The following ADCK1 variants were observed in gnomAD, a reference collection of about 807,000 sequenced individuals.
ADCK1 encodes aarF domain containing kinase 1.
Under a neutral mutation model 52.3 loss-of-function variants are expected in ADCK1, and 41 were observed. The observed-to-expected ratio is 0.78, with a 90% CI of 0.61 to 1.02. The LOEUF is 1.02. Among genes scored for constraint, ADCK1 ranks in the 50% least tolerant of loss-of-function variants. The pLI is 0.00. For missense variants in ADCK1, 658 were observed against 679.5 expected (o/e 0.97, Z 0.35); for synonymous variants, 250 against 274.6 (o/e 0.91, Z 0.89).
chr14:77,905,691 G>A (rs1218482174), intron 6 of ADCK1, among the ~76,000 whole-genome samples: 1 of 151,312 alleles, frequency 6.6e-6, no homozygotes, highest in East Asian at 2.0e-4. Flanking sequence ...GCTCACGCCT[G>A]TAATCCCAGC....
In ADCK1 at chr14:77,933,585, C is replaced by A; in HGVS notation, c.*194C>A. The A allele has an allele frequency of 3.3e-6, 2 of 603,456 alleles. No homozygotes were observed. Among genetic ancestry groups the A allele is most frequent in the Middle Eastern group, 4.5e-4 (1 of 2,216 alleles). The allele number at this position is 603,456 out of a possible 1,614,324, so 37.4% of individuals were successfully genotyped here. On this transcript the variant is annotated 3_prime_UTR_variant, in exon 11 of 11. Transcript: ENST00000238561. ...CTTGTCTCAGGGCCCACAAGCTGAA[C>A]TGTGGCATAGCTCTCTCTTCTTCTC... is the stretch of plus-strand genomic sequence containing the variant.
chr14:77,884,248 C>G (rs191554146), intron 4 of ADCK1, among the ~76,000 whole-genome samples: 1 of 152,162 alleles, frequency 6.6e-6, no homozygotes, highest in Admixed American at 6.5e-5. Flanking sequence ...TTTAGCTGCC[C>G]GAGAGATGAG....
chr14:77,825,023 C>T (rs1040917757), intron 3 of ADCK1, among the ~76,000 whole-genome samples: 14 of 152,316 alleles, frequency 9.2e-5, no homozygotes, highest in African/African-American at 3.4e-4. Context: ...GACCCTCCTA[C>T]CCTTGTTCCT....
chr14:77,862,266 C>T (rs943054198), intron 4 of ADCK1, among the ~76,000 whole-genome samples: 3 of 152,188 alleles, frequency 2.0e-5, no homozygotes, highest in Admixed American at 1.3e-4. Context: ...GAGGTGGGGT[C>T]GTTTCTGCCT....
At position 77,925,757 on chromosome 14, in the gene ADCK1, A is replaced by T. The variant is rs767640483; in HGVS notation, c.1009-7A>T. On this transcript the variant is annotated splice_polypyrimidine_tract_variant and splice_region_variant and intron_variant, in intron 8 of 10. Coordinates refer to ENST00000238561, the MANE Select transcript of ADCK1 (RefSeq NM_020421.4). ...CTTAGGTCCCACCGCTGCCGCCTCCACCCTAGATGCTCACGGAAGAATTCC... is the reference window on the plus strand; with the variant it reads ...CTTAGGTCCCACCGCTGCCGCCTCCTCCCTAGATGCTCACGGAAGAATTCC... The T allele has an allele frequency of 1.7e-5, 27 of 1,613,896 alleles. No individual in the cohort carries two copies. In the South Asian group the frequency reaches 3.0e-4, roughly 18 times the overall value.
At chr14:77,886,925 CACACACACACACACACGCACA>C (rs1252742717) in intron 4 of ADCK1, among the ~76,000 whole-genome samples, 145 bp from the exon 5 acceptor site, 1 of 56,190 alleles carries the variant, frequency 1.8e-5, no homozygotes, top group African/African-American at 4.6e-5. Flanking sequence ...CACACACACA[CACACACACACACACACGCACA>C]ACACACACAC....
At chr14:77,896,532 T>G (rs888925747) in intron 5 of ADCK1, among the ~76,000 whole-genome samples, 5 of 152,220 alleles carry the variant, frequency 3.3e-5, no homozygotes, top group African/African-American at 1.2e-4. Context: ...GGAATTCAGG[T>G]GACTTAGATG....
intron 1 of ADCK1, among the ~76,000 whole-genome samples, chr14:77,808,761 A>C (rs1228447833): frequency 1.3e-5 from 2 of 152,136 alleles, no homozygotes; most frequent in African/African-American, 4.8e-5. Flanking sequence ...TTTTTAGTAG[A>C]GACGGAGTTT....
intron 1 of ADCK1, among the ~76,000 whole-genome samples, chr14:77,800,764 G>C (rs562106345): frequency 6.6e-6 from 1 of 152,242 alleles, no homozygotes; most frequent in Non-Finnish European, 1.5e-5. Flanking sequence ...AAGACACCTA[G>C]AACAGCCCTC....
intron 3 of ADCK1, among the ~76,000 whole-genome samples, chr14:77,842,813 G>C (rs2082101580): frequency 6.6e-6 from 1 of 151,842 alleles, no homozygotes; most frequent in Admixed American, 6.6e-5. Flanking sequence ...GCCTCCCAAA[G>C]TGCTGGGTTT....
At chr14:77,887,375 A>G (rs1175848459) in intron 5 of ADCK1, 126 bp downstream of exon 5, 2 of 1,113,544 alleles carry the variant, frequency 1.8e-6, no homozygotes, top group Admixed American at 3.5e-5. Flanking sequence ...GAGGGAGAGG[A>G]GAGCTGAGAT....
At chr14:77,883,167 G>A (rs76278008) in intron 4 of ADCK1, among the ~76,000 whole-genome samples, 5,024 of 152,172 alleles carry the variant, frequency 0.033, 151 homozygotes, top group South Asian at 0.12. Context: ...ATATTAAAAT[G>A]CAGTTGTTTT....
At chr14:77,852,275 G>A (rs2082299350) in intron 3 of ADCK1, among the ~76,000 whole-genome samples, 1 of 152,158 alleles carries the variant, frequency 6.6e-6, no homozygotes, top group South Asian at 2.1e-4. Flanking sequence ...GGGATTACAG[G>A]CATGAGCCAC....
chr14:77,879,627 A>T (rs1429797305), intron 4 of ADCK1, among the ~76,000 whole-genome samples: 3 of 152,180 alleles, frequency 2.0e-5, no homozygotes, highest in Admixed American at 6.5e-5. Flanking sequence ...AAGCTGGTGT[A>T]GTGACTTATG....
At chr14:77,924,351 T>A in intron 7 of ADCK1, 106 bp from the exon 8 acceptor site, 1 of 1,456,270 alleles carries the variant, frequency 6.9e-7, no homozygotes, top group Non-Finnish European at 9.2e-7. Flanking sequence ...GCCCACCGAT[T>A]TTCTCTGGCC....
chr14:77,838,542 A>T (rs1250749395), intron 3 of ADCK1, among the ~76,000 whole-genome samples: 1 of 152,118 alleles, frequency 6.6e-6, no homozygotes, highest in East Asian at 1.9e-4. Context: ...GAATACAGGC[A>T]CGTGCTGCCA....
intron 3 of ADCK1, among the ~76,000 whole-genome samples, chr14:77,852,764 A>G (rs2082326958): frequency 1.5e-5 from 2 of 133,636 alleles, no homozygotes; most frequent in South Asian, 2.3e-4. Context: ...GGCTGCTTGA[A>G]TTTGTTCCAC....
chr14:77,893,361 G>T (rs1256144842), intron 5 of ADCK1, among the ~76,000 whole-genome samples: 2 of 152,030 alleles, frequency 1.3e-5, no homozygotes, highest in East Asian at 1.9e-4. Flanking sequence ...ACTGCTTGAG[G>T]GCAGGGTAGG....
chr14:77,920,471 A>G (rs550018518), intron 7 of ADCK1, among the ~76,000 whole-genome samples: 1 of 152,274 alleles, frequency 6.6e-6, no homozygotes, highest in African/African-American at 2.4e-5. Flanking sequence ...TTATTTTTAT[A>G]CCAGTACCAT....
Sources: gnomAD v4.1 joint callset for allele counts (sites outside exome capture counted in the v4.1 genomes callset) on GRCh38, gnomAD v4.1.1 for gene constraint, MANE v1.5 for transcripts, NCBI Gene and HGNC (gene_info 2026-07-23, HGNC 2026-07-21) for gene names.